The following ERICH1 variants were observed in gnomAD, a reference collection of about 807,000 sequenced individuals.
The protein encoded by ERICH1 is glutamate rich 1, also known as glutamate-rich protein 1.
In ERICH1, 56 loss-of-function variants were observed where a neutral mutation model predicts 39.6. The observed-to-expected ratio is 1.41, with a 90% CI of 1.14 to 1.77. The LOEUF is 1.77. Ranked by LOEUF, ERICH1 falls within the 40% of genes most tolerant of loss-of-function variation. The pLI is 0.00. For synonymous variants in ERICH1, 313 were observed against 223.6 expected, an observed-to-expected ratio of 1.40 and a Z score of -3.57; for missense variants, 826 against 575.4, an observed-to-expected ratio of 1.44 and a Z score of -4.45.
At chr8:679,720 A>C (rs1805689297) in intron 3 of ERICH1, among the ~76,000 whole-genome samples, 1 of 152,258 alleles carries the variant, frequency 6.6e-6, no homozygotes, top group Admixed American at 6.5e-5. Flanking sequence ...AAATGCTGAA[A>C]GCCTTTTCTC....
chr8:623,662 T>C (rs1035903088), intron 3 of ERICH1, among the ~76,000 whole-genome samples: 1 of 152,164 alleles, frequency 6.6e-6, no homozygotes, highest in Non-Finnish European at 1.5e-5. Context: ...AGAACAGTCA[T>C]TTAAATAAAT....
At position 724,127 on chromosome 8, in the gene ERICH1, A is replaced by G. The variant is rs577690975; in HGVS notation, c.22+7013T>C. Among the ~76,000 whole-genome samples, 5 of 152,350 alleles carry G rather than the reference A, an allele frequency of 3.3e-5. No homozygotes were observed. The South Asian group carries it at 1.0e-3, about 32-fold the overall frequency. ...TGGGACATCACCAGAACCTCACGCC[A>G]TGACCGATCTGACATGGGATCCTCA... is the stretch of plus-strand genomic sequence containing the variant. On this transcript the variant is annotated intron_variant, in intron 1 of 5. Coordinates refer to ENST00000262109, the MANE Select transcript of ERICH1 (RefSeq NM_207332.3).
chr8:731,059 C>A (rs900349878), intron 1 of ERICH1, 81 bp downstream of exon 1: 132 of 1,354,142 alleles, frequency 9.7e-5, no homozygotes, highest in Non-Finnish European at 1.9e-5. Flanking sequence ...GGGCCGGGGT[C>A]GGGGTCCCGA....
intron 2 of ERICH1, among the ~76,000 whole-genome samples, chr8:698,877 C>T (rs1810999948): frequency 1.3e-5 from 2 of 150,502 alleles, no homozygotes; most frequent in Admixed American, 1.3e-4. Context: ...CACGAAGTAG[C>T]ATCCTATGGT....
intron 2 of ERICH1, among the ~76,000 whole-genome samples, chr8:695,501 CT>C (rs1809961905): frequency 7.3e-6 from 1 of 137,746 alleles, no homozygotes; most frequent in African/African-American, 2.5e-5. Flanking sequence ...CTCTCCTCTC[CT>C]TCCTCCCCAT....
At chr8:643,070 C>G (rs1799200577) in intron 3 of ERICH1, among the ~76,000 whole-genome samples, 1 of 152,238 alleles carries the variant, frequency 6.6e-6, no homozygotes, top group African/African-American at 2.4e-5. Context: ...CACCCCGCCC[C>G]TCACGGCCCC....
intron 3 of ERICH1, among the ~76,000 whole-genome samples, chr8:634,889 T>C (rs1166374695): frequency 6.6e-6 from 1 of 152,162 alleles, no homozygotes; most frequent in Non-Finnish European, 1.5e-5. Context: ...AGGAATCAGG[T>C]AACAGGGCAG....
chr8:731,129 C>T lies in ERICH1; in HGVS notation c.22+11G>A, dbSNP rs1274870838. ...GGGGTCTGGGCAGGCCTCCGCACCGCACCCACCTACCGTGCTTCCTGTGCG... is the reference window on the plus strand; with the variant it reads ...GGGGTCTGGGCAGGCCTCCGCACCGTACCCACCTACCGTGCTTCCTGTGCG... On this transcript the variant is annotated intron_variant, in intron 1 of 5. Transcript: ENST00000262109. 1.3e-6 allele frequency: 2 copies of T among 1,519,084 alleles called. No homozygotes were observed. The highest frequency in any genetic ancestry group is 2.0e-5 in the Admixed American group (1 of 49,760). 94.1% of individuals were successfully genotyped at this position (1,519,084 alleles called of 1,614,324 possible). A position where few individuals can be genotyped will look rare whatever the true frequency, so the allele number is the denominator to read the frequency against.
chr8:716,589 T>C (rs185937645), intron 1 of ERICH1, among the ~76,000 whole-genome samples: 157 of 152,360 alleles, frequency 1.0e-3, no homozygotes, highest in Non-Finnish European at 1.8e-3. Context: ...AAACAGAGAT[T>C]CTTTACTTTG....
intron 1 of ERICH1, among the ~76,000 whole-genome samples, chr8:730,913 G>A (rs531680733): frequency 1.3e-5 from 2 of 152,206 alleles, no homozygotes; most frequent in African/African-American, 4.8e-5. Context: ...GGCCTGGCAG[G>A]GCCGGCCCGA....
At chr8:615,344 A>G (rs1299428005) in intron 3 of ERICH1, 1 of 622,896 alleles carries the variant, frequency 1.6e-6, no homozygotes, top group Non-Finnish European at 2.8e-6. Flanking sequence ...ATGTTTATTG[A>G]TCCACAGATG....
At chr8:699,717 G>C (rs902895124) in intron 2 of ERICH1, among the ~76,000 whole-genome samples, 1 of 148,748 alleles carries the variant, frequency 6.7e-6, no homozygotes, top group African/African-American at 2.6e-5. Context: ...ACCCGCACAC[G>C]TGCACAGACT....
intron 1 of ERICH1, among the ~76,000 whole-genome samples, chr8:727,215 T>C (rs549242623): frequency 1.3e-5 from 2 of 151,988 alleles, no homozygotes; most frequent in Admixed American, 1.3e-4. Flanking sequence ...CGTGCACACA[T>C]AGGAACAGCG....
chr8:688,383 G>T (rs1397970288), intron 3 of ERICH1, among the ~76,000 whole-genome samples: 1 of 58,536 alleles, frequency 1.7e-5, no homozygotes, highest in Non-Finnish European at 3.7e-5. Context: ...CGGTCCCTCC[G>T]CAGGCTCCAG....
At chr8:619,457 C>T (rs4735889) in intron 3 of ERICH1, among the ~76,000 whole-genome samples, 76,995 of 151,920 alleles carry the variant, frequency 0.51, 21,851 homozygotes, top group East Asian at 0.81. Flanking sequence ...CATATAGAAA[C>T]GTAATACATT....
At chr8:618,706 C>A (rs541495193) in intron 3 of ERICH1, among the ~76,000 whole-genome samples, 1 of 152,156 alleles carries the variant, frequency 6.6e-6, no homozygotes, top group Non-Finnish European at 1.5e-5. Context: ...TGGAACAGCA[C>A]GCAATGGATA....
intron 3 of ERICH1, among the ~76,000 whole-genome samples, chr8:634,600 C>A (rs983609414): frequency 6.6e-6 from 1 of 152,176 alleles, no homozygotes; most frequent in South Asian, 2.1e-4. Flanking sequence ...CAGTGCCATG[C>A]GTGCAGTAGG....
rs1366685786 is a variant in ERICH1, at chr8:664,536, C to A, written c.*67G>T. 3 of 1,556,786 alleles carry A rather than the reference C, an allele frequency of 1.9e-6. No individual in the cohort carries two copies. Among genetic ancestry groups the A allele is most frequent in the Non-Finnish European group, 1.7e-6 (2 of 1,152,950 alleles). On this transcript the variant is annotated 3_prime_UTR_variant, in exon 6 of 6. Coordinates refer to ENST00000262109, the MANE Select transcript of ERICH1 (RefSeq NM_207332.3). ...AAGTTCCCAGAGAACTAACTCTAAG[C>A]CCATCTCACATTTGTCTTTTAAGTT...
rs746551282 is a variant in ERICH1, at chr8:668,741, AGC to A, written c.1113_1114del (p.Glu371AspfsTer31). On this transcript the variant is annotated frameshift_variant, in exon 5 of 6. Coordinates refer to ENST00000262109, the MANE Select transcript of ERICH1 (RefSeq NM_207332.3). LOFTEE classifies it high-confidence loss of function. ...GCTGTGTGACGCAAGGCGGTCCAGCAGCTCCTCAGCGGCATCTGCGAGGGCAG... is the reference window on the plus strand; with the variant it reads ...GCTGTGTGACGCAAGGCGGTCCAGCATCCTCAGCGGCATCTGCGAGGGCAG... The A allele has an allele frequency of 1.9e-5, 31 of 1,613,632 alleles. No homozygotes were observed. Among genetic ancestry groups the A allele is most frequent in the Non-Finnish European group, 2.5e-5 (29 of 1,179,858 alleles).
Sources: gnomAD v4.1 joint callset for allele counts (sites outside exome capture counted in the v4.1 genomes callset) on GRCh38, gnomAD v4.1.1 for gene constraint, MANE v1.5 for transcripts, NCBI Gene and HGNC (gene_info 2026-07-23, HGNC 2026-07-21) for gene names.